CCDC7: variants seen among roughly 807,000 people sequenced by gnomAD.
CCDC7 encodes coiled-coil domain containing 7, also known as coiled-coil domain-containing protein 7.
In CCDC7, 183 loss-of-function variants were observed where a neutral mutation model predicts 196.9. That is an observed-to-expected ratio of 0.93 (90% CI 0.82 to 1.05). The LOEUF (loss-of-function observed/expected upper bound fraction) is 1.05. Ranked by LOEUF, CCDC7 falls within the 50% of genes least tolerant of loss-of-function variation. The pLI, the probability that CCDC7 is intolerant of heterozygous loss-of-function variation, is 0.00. For synonymous variants in CCDC7, 525 were observed against 484.6 expected, an observed-to-expected ratio of 1.08 and a Z score of -1.10; for missense variants, 1,540 against 1,482.2, an observed-to-expected ratio of 1.04 and a Z score of -0.64.
intron 39 of CCDC7, among the ~76,000 whole-genome samples, chr10:32,851,339 T>C (rs12220061): frequency 0.14 from 20,918 of 152,170 alleles, 1,735 homozygotes; most frequent in East Asian, 0.25. Flanking sequence ...ACAGTAGTTC[T>C]TCAGGAGCAT....
At chr10:32,610,526 C>T (rs1382857260) in intron 18 of CCDC7, among the ~76,000 whole-genome samples, 2 of 152,242 alleles carry the variant, frequency 1.3e-5, no homozygotes, top group East Asian at 1.9e-4. Flanking sequence ...CACCCATCAA[C>T]GCGTCATCTA....
Position 32,851,868 on chromosome 10 carries a change from A to G in CCDC7, c.3957A>G (p.Thr1319=), listed in dbSNP as rs748213924. ...CACCTTCAAAAGCAATTTATAGAAC[A>G]TATAGGGCTGGTCCAAGCTTTTCTA... The change falls in exon 40 of 42, where the codon ACA becomes ACG. Residue 1319 remains threonine (T), a synonymous_variant. Transcript: ENST00000639629. 1.1e-5 allele frequency: 17 copies of G among 1,612,574 alleles called. No homozygotes were observed. In the Admixed American group the frequency reaches 2.7e-4, roughly 25 times the overall value.
intron 28 of CCDC7, among the ~76,000 whole-genome samples, chr10:32,730,058 G>A (rs539274431): frequency 6.6e-6 from 1 of 152,086 alleles, no homozygotes; most frequent in Non-Finnish European, 1.5e-5. Flanking sequence ...ATAGGTAAAT[G>A]TGTGCCATTG....
At chr10:32,755,801 A>G (rs754556084) in intron 28 of CCDC7, among the ~76,000 whole-genome samples, 23 of 152,174 alleles carry the variant, frequency 1.5e-4, no homozygotes, top group Non-Finnish European at 3.1e-4. Context: ...AGTAATAACA[A>G]ATTTCTCCGA....
chr10:32,459,229 G>T (rs1051251705), intron 3 of CCDC7, among the ~76,000 whole-genome samples: 1 of 152,064 alleles, frequency 6.6e-6, no homozygotes, highest in Admixed American at 6.6e-5. Context: ...CATGTTGTCT[G>T]CAAACAGGGA....
intron 40 of CCDC7, among the ~76,000 whole-genome samples, chr10:32,854,065 TG>T (rs1384286304): frequency 1.3e-5 from 2 of 152,158 alleles, no homozygotes; most frequent in African/African-American, 4.8e-5. Flanking sequence ...TCCACTTTAT[TG>T]TTCCCATATT....
intron 8 of CCDC7, among the ~76,000 whole-genome samples, chr10:32,483,670 G>C (rs2040427192): frequency 6.6e-6 from 1 of 152,126 alleles, no homozygotes; most frequent in African/African-American, 2.4e-5. Context: ...ATTGATTTTT[G>C]TATAAGGTGT....
chr10:32,672,693 G>A (rs530241022), intron 21 of CCDC7, among the ~76,000 whole-genome samples: 29 of 152,240 alleles, frequency 1.9e-4, no homozygotes, highest in African/African-American at 6.7e-4. Flanking sequence ...CAGCAGCATG[G>A]CTGATGCCCA....
chr10:32,843,440 G>T (rs1368369318), intron 33 of CCDC7, among the ~76,000 whole-genome samples: 1 of 151,922 alleles, frequency 6.6e-6, no homozygotes, highest in Non-Finnish European at 1.5e-5. Context: ...TGTGGTCAGA[G>T]CTACACAAAT....
chr10:32,800,695 G>A (rs1032120414), intron 29 of CCDC7, among the ~76,000 whole-genome samples: 1 of 152,158 alleles, frequency 6.6e-6, no homozygotes, highest in African/African-American at 2.4e-5. Context: ...TAAACTGTTG[G>A]TAGTGTAGTG....
intron 16 of CCDC7, among the ~76,000 whole-genome samples, chr10:32,579,282 A>G (rs555363587): frequency 2.0e-5 from 3 of 151,962 alleles, no homozygotes; most frequent in African/African-American, 7.2e-5. Context: ...TAGTGCATTG[A>G]TTACATTTTG....
In CCDC7 at chr10:32,759,260, A is replaced by C. The variant is rs568841219; in HGVS notation, c.2906-19717A>C. Among the ~76,000 whole-genome samples, 350 of 152,264 alleles carry C rather than the reference A, an allele frequency of 2.3e-3. 3 individuals are homozygous for C. The highest frequency in any genetic ancestry group is 7.7e-3 in the African/African-American group (320 of 41,566). On this transcript the variant is annotated intron_variant, in intron 28 of 41. Transcript: ENST00000639629. The stretch of plus-strand genomic sequence containing the variant: ...GAAAACTACTTTAAAGTTCATATGG[A>C]ACCAAAAAAGAGCCCGCATTGCCAA...
chr10:32,696,912 C>T (rs185799889), intron 24 of CCDC7, among the ~76,000 whole-genome samples: 7 of 152,236 alleles, frequency 4.6e-5, no homozygotes, highest in African/African-American at 1.7e-4. Context: ...TGATCTAGAT[C>T]AGTGGTCCTC....
intron 3 of CCDC7, among the ~76,000 whole-genome samples, chr10:32,459,646 ATTTTTTTTTTTTT>A (rs60002951): frequency 3.2e-4 from 22 of 68,744 alleles, no homozygotes; most frequent in African/African-American, 1.0e-3. Flanking sequence ...CCTGCTGCAC[ATTTTTTTTTTTTT>A]TTTTTTTTTT....
At chr10:32,620,215 G>T (rs903704453) in intron 18 of CCDC7, among the ~76,000 whole-genome samples, 3 of 152,026 alleles carry the variant, frequency 2.0e-5, no homozygotes, top group Admixed American at 6.6e-5. Context: ...GAGCCACTGT[G>T]CCCAGCCCCA....
intron 8 of CCDC7, among the ~76,000 whole-genome samples, chr10:32,477,295 C>G (rs2039163458): frequency 1.3e-5 from 2 of 152,134 alleles, no homozygotes; most frequent in African/African-American, 4.8e-5. Context: ...CCTCCGCCTC[C>G]CTGTTCAAGT....
intron 16 of CCDC7, among the ~76,000 whole-genome samples, chr10:32,575,013 C>A (rs977960323): frequency 1.1e-4 from 17 of 152,164 alleles, no homozygotes; most frequent in African/African-American, 4.1e-4. Context: ...AGATAAGATG[C>A]CTTTTCTTGT....
At chr10:32,637,868 A>G (rs1029191010) in intron 20 of CCDC7, among the ~76,000 whole-genome samples, 1 of 152,128 alleles carries the variant, frequency 6.6e-6, no homozygotes, top group Admixed American at 6.5e-5. Flanking sequence ...ATGAGCATGG[A>G]ATGTTCTTCC....
At chr10:32,495,731 G>C (rs969510794) in intron 9 of CCDC7, among the ~76,000 whole-genome samples, 2 of 152,118 alleles carry the variant, frequency 1.3e-5, no homozygotes, top group Non-Finnish European at 2.9e-5. Flanking sequence ...TGAGGCCTCT[G>C]TTCTGTTCCA....
Sources: allele counts gnomAD v4.1 joint callset (sites outside exome capture counted in the v4.1 genomes callset), GRCh38; gene constraint gnomAD v4.1.1; transcripts MANE v1.5; gene names NCBI Gene and HGNC (gene_info 2026-07-23, HGNC 2026-07-21).